Variants in GNAL observed in about 807,000 individuals in gnomAD.
The protein encoded by GNAL is G protein subunit alpha L.
GNAL carries 18 observed loss-of-function variants against 55.1 expected under a neutral mutation model. The ratio of observed to expected loss-of-function variants is 0.33; its 90% CI spans 0.23 to 0.48. The LOEUF (loss-of-function observed/expected upper bound fraction) is 0.48, where lower values mean the gene tolerates loss of function less well. Among genes scored for constraint, GNAL ranks in the 20% least tolerant of loss-of-function variants. The pLI, the probability that GNAL is intolerant of heterozygous loss-of-function variation, is 0.99. For missense variants in GNAL, 412 were observed against 614.1 expected, an observed-to-expected ratio of 0.67 and a Z score of 3.48; for synonymous variants, 253 against 237.0, an observed-to-expected ratio of 1.07 and a Z score of -0.62.
intron 5 of GNAL, among the ~76,000 whole-genome samples, chr18:11,854,677 A>G (rs1358722474): frequency 1.3e-5 from 2 of 152,060 alleles, no homozygotes; most frequent in Non-Finnish European, 2.9e-5. Flanking sequence ...GCTACTCAGG[A>G]GGCTGAGGCA....
At chr18:11,843,518 C>G (rs963363999) in intron 5 of GNAL, among the ~76,000 whole-genome samples, 1 of 149,510 alleles carries the variant, frequency 6.7e-6, no homozygotes, top group Non-Finnish European at 1.5e-5. Flanking sequence ...GAGCAAGACT[C>G]TGTCTCAAAA....
intron 1 of GNAL, among the ~76,000 whole-genome samples, chr18:11,743,679 G>A (rs1409729770): frequency 3.3e-5 from 5 of 152,150 alleles, no homozygotes; most frequent in Non-Finnish European, 7.3e-5. Flanking sequence ...AAACACATTG[G>A]CTAAACAACA....
At chr18:11,873,163 A>G (rs899214346) in intron 10 of GNAL, among the ~76,000 whole-genome samples, 1 of 152,244 alleles carries the variant, frequency 6.6e-6, no homozygotes, top group Non-Finnish European at 1.5e-5. Flanking sequence ...CGCTTCTTAC[A>G]TCTTGAATTC....
intron 1 of GNAL, among the ~76,000 whole-genome samples, chr18:11,697,635 G>T (rs994906961): frequency 2.0e-5 from 3 of 152,124 alleles, no homozygotes; most frequent in African/African-American, 7.2e-5. Flanking sequence ...AGGGGCAGAC[G>T]TGTCTGTGGG....
At position 11,884,652 on chromosome 18, in the gene GNAL, G is replaced by GCAC. The variant is rs772537918; in HGVS notation, c.*3518_*3519insACC. 62 of 1,608,170 alleles carry GCAC rather than the reference G, an allele frequency of 3.9e-5. No individual in the cohort carries two copies. In the Middle Eastern group the frequency reaches 5.1e-4, roughly 13 times the overall value. On this transcript the variant is annotated 3_prime_UTR_variant, in exon 12 of 12. Coordinates refer to ENST00000334049, the MANE Select transcript of GNAL (RefSeq NM_182978.4). ...CCTGGAAAGGAGAAGGGAAAGTTAT[G>GCAC]CTGAGAGCACCAGGCACACGTTGAA...
intron 4 of GNAL, among the ~76,000 whole-genome samples, chr18:11,794,161 A>G (rs1168695893): frequency 6.6e-6 from 1 of 152,214 alleles, no homozygotes; most frequent in East Asian, 1.9e-4. Flanking sequence ...GAAGTGCAGA[A>G]TGGTGTAGCC....
chr18:11,845,282 C>T (rs746839964), intron 5 of GNAL, among the ~76,000 whole-genome samples: 1 of 152,244 alleles, frequency 6.6e-6, no homozygotes, highest in Non-Finnish European at 1.5e-5. Flanking sequence ...TTACGCCAGA[C>T]GCAATCCTGT....
intron 4 of GNAL, among the ~76,000 whole-genome samples, chr18:11,790,027 G>C (rs2034184544): frequency 6.6e-6 from 1 of 152,236 alleles, no homozygotes; most frequent in East Asian, 1.9e-4. Context: ...AAAGTTCCAG[G>C]AAGTAAAGGC....
intron 1 of GNAL, among the ~76,000 whole-genome samples, chr18:11,749,090 C>T (rs776227352): frequency 7.6e-5 from 11 of 144,338 alleles, no homozygotes; most frequent in Non-Finnish European, 1.5e-4. Flanking sequence ...CATGCCATGG[C>T]ACTCCAGCCT....
intron 1 of GNAL, chr18:11,701,956 A>G (rs1433984344): frequency 6.6e-6 from 1 of 152,206 alleles, no homozygotes; most frequent in Non-Finnish European, 1.5e-5. Context: ...TGAAACGTTT[A>G]TCCTTTTTTT....
rs536213023 is a variant in GNAL at position 11,809,724 on chromosome 18, T to G, written c.625-15194T>G. Among the ~76,000 whole-genome samples the G allele has an allele frequency of 2.6e-5, 4 of 152,256 alleles. No homozygotes were observed. The East Asian group carries it at 5.8e-4, about 22-fold the overall frequency. ...CTCCAGTCTGGGCAACAGAGTAAGA[T>G]TCTGTCTCAAAAAAGACAAACAGAC... is the stretch of plus-strand genomic sequence containing the variant. On this transcript the variant is annotated intron_variant, in intron 4 of 11. Transcript: ENST00000334049.
intron 1 of GNAL, among the ~76,000 whole-genome samples, chr18:11,714,309 CAA>C (rs2031903557): frequency 6.6e-6 from 1 of 151,810 alleles, no homozygotes. Context: ...GTGCTTTTTC[CAA>C]AAGAGGATTT....
chr18:11,817,836 G>A (rs918122711), intron 4 of GNAL, among the ~76,000 whole-genome samples: 7 of 151,666 alleles, frequency 4.6e-5, no homozygotes, highest in Non-Finnish European at 7.4e-5. Context: ...TGATCCGCCC[G>A]CCTCAGCCTC....
intron 1 of GNAL, among the ~76,000 whole-genome samples, chr18:11,740,939 C>G (rs2032562960): frequency 6.6e-6 from 1 of 152,224 alleles, no homozygotes. Flanking sequence ...CTGAGAAAGG[C>G]TCATAGTTCC....
intron 4 of GNAL, among the ~76,000 whole-genome samples, chr18:11,813,946 A>G (rs1979065094): frequency 6.6e-6 from 1 of 152,228 alleles, no homozygotes; most frequent in Non-Finnish European, 1.5e-5. Context: ...TCAAGGAGAA[A>G]GGATAGTCTT....
At position 11,882,908 on chromosome 18, in the gene GNAL, C is replaced by T. The variant is rs906204264; in HGVS notation, c.*1773C>T. The T allele has an allele frequency of 6.6e-6, 1 of 152,054 alleles. No individual in the cohort carries two copies. The highest frequency in any genetic ancestry group is 6.5e-5 in the Admixed American group (1 of 15,268). The allele number at this position is 152,054 out of a possible 1,614,324, so 9.4% of individuals were successfully genotyped here. On this transcript the variant is annotated 3_prime_UTR_variant, in exon 12 of 12. Transcript: ENST00000334049. ...ATCTAGAAAGTAAGAACTGGTGTAGCAATGATGCTTCATATTCTAGCTGTA... is the reference window on the plus strand; with the variant it reads ...ATCTAGAAAGTAAGAACTGGTGTAGTAATGATGCTTCATATTCTAGCTGTA...
chr18:11,822,098 G>C (rs1013463400), intron 4 of GNAL, among the ~76,000 whole-genome samples: 4 of 152,232 alleles, frequency 2.6e-5, no homozygotes, highest in East Asian at 1.9e-4. Flanking sequence ...CCGCAGGCGC[G>C]GGGCGAGGGC....
intron 4 of GNAL, among the ~76,000 whole-genome samples, chr18:11,806,947 G>A (rs747339972): frequency 6.6e-5 from 10 of 152,096 alleles, no homozygotes; most frequent in South Asian, 4.1e-4. Context: ...TATTACAGGC[G>A]TGAGTCATCA....
chr18:11,725,246 G>T (rs753281062), intron 1 of GNAL, among the ~76,000 whole-genome samples: 1 of 152,174 alleles, frequency 6.6e-6, no homozygotes, highest in Admixed American at 6.5e-5. Flanking sequence ...AATGAGATTA[G>T]GATGGACCCT....
Sources: allele counts gnomAD v4.1 joint callset (sites outside exome capture counted in the v4.1 genomes callset), GRCh38; gene constraint gnomAD v4.1.1; transcripts MANE v1.5; gene names NCBI Gene and HGNC (gene_info 2026-07-23, HGNC 2026-07-21).